The following DPP10 variants were observed in gnomAD, a reference collection of about 807,000 sequenced individuals.
The protein encoded by DPP10 is inactive dipeptidyl peptidase 10.
DPP10 carries 33 observed loss-of-function variants against 120.9 expected under a neutral mutation model. The observed-to-expected ratio is 0.27, with a 90% CI of 0.21 to 0.37. The LOEUF (loss-of-function observed/expected upper bound fraction) is 0.37. DPP10 is among the 10% of genes least tolerant of loss of function. DPP10 has a pLI of 1.00. For missense variants in DPP10, 816 were observed against 942.8 expected (o/e 0.87, Z 1.76); for synonymous variants, 337 against 326.1 (o/e 1.03, Z -0.36).
chr2:115,568,114 G>A (rs922920111), intron 5 of DPP10, among the ~76,000 whole-genome samples: 1 of 151,268 alleles, frequency 6.6e-6, no homozygotes, highest in African/African-American at 2.4e-5. Context: ...GGAGGCAGAG[G>A]TTGCAGTGAG....
At chr2:114,624,862 C>G (rs973321194) in intron 1 of DPP10, among the ~76,000 whole-genome samples, 14 of 152,016 alleles carry the variant, frequency 9.2e-5, no homozygotes, top group Non-Finnish European at 1.5e-4. Context: ...GCCATCAACT[C>G]ACACCAACCT....
intron 3 of DPP10, among the ~76,000 whole-genome samples, chr2:115,425,272 G>GT (rs1174026429): frequency 1.3e-5 from 2 of 152,170 alleles, no homozygotes; most frequent in African/African-American, 4.8e-5. Flanking sequence ...TTCTAGAAAC[G>GT]TATCTAGGCA....
At chr2:115,608,853 A>C (rs905491400) in intron 5 of DPP10, among the ~76,000 whole-genome samples, 7 of 152,142 alleles carry the variant, frequency 4.6e-5, no homozygotes, top group Non-Finnish European at 7.3e-5. Flanking sequence ...GGAACATAGA[A>C]TCCATATAAA....
At chr2:114,963,371 A>T (rs918169216) in intron 1 of DPP10, among the ~76,000 whole-genome samples, 1 of 152,198 alleles carries the variant, frequency 6.6e-6, no homozygotes, top group African/African-American at 2.4e-5. Context: ...TAGCAGGGAA[A>T]GTCATATGTC....
chr2:114,944,103 T>G (rs1164788944), intron 1 of DPP10, among the ~76,000 whole-genome samples: 1 of 152,166 alleles, frequency 6.6e-6, no homozygotes, highest in Non-Finnish European at 1.5e-5. Context: ...GTAATAGTTT[T>G]TCAGGAGTAG....
intron 1 of DPP10, among the ~76,000 whole-genome samples, chr2:114,865,500 A>G (rs1186294965): frequency 6.6e-6 from 1 of 152,242 alleles, no homozygotes; most frequent in African/African-American, 2.4e-5. Context: ...GCAGCACTCC[A>G]TATGGGAAAG....
chr2:114,800,089 T>G (rs1684065770), intron 1 of DPP10, among the ~76,000 whole-genome samples: 1 of 152,168 alleles, frequency 6.6e-6, no homozygotes, highest in Non-Finnish European at 1.5e-5. Flanking sequence ...GTCAGCACAA[T>G]GCATAAATGA....
intron 1 of DPP10, among the ~76,000 whole-genome samples, chr2:114,964,387 G>T (rs761495980): frequency 6.6e-6 from 1 of 152,090 alleles, no homozygotes; most frequent in Non-Finnish European, 1.5e-5. Flanking sequence ...AAAACGAAAT[G>T]CTGCAGTAGA....
intron 1 of DPP10, among the ~76,000 whole-genome samples, chr2:115,013,931 T>C (rs1312075289): frequency 2.0e-5 from 3 of 152,038 alleles, no homozygotes; most frequent in African/African-American, 7.2e-5. Context: ...TTTAGACAGA[T>C]CAATGAGACA....
chr2:115,768,871 A>T (rs533077528), intron 13 of DPP10, among the ~76,000 whole-genome samples: 1 of 152,154 alleles, frequency 6.6e-6, no homozygotes, highest in South Asian at 2.1e-4. Flanking sequence ...TACAGTGCAG[A>T]TTTTTAAAAA....
chr2:114,905,501 C>T (rs967752457), intron 1 of DPP10, among the ~76,000 whole-genome samples: 7 of 151,932 alleles, frequency 4.6e-5, no homozygotes, highest in Admixed American at 2.6e-4. Context: ...ATTTTAAATT[C>T]GGATTACAGA....
At chr2:115,475,602 C>T (rs1159978786) in intron 3 of DPP10, among the ~76,000 whole-genome samples, 1 of 152,144 alleles carries the variant, frequency 6.6e-6, no homozygotes, top group African/African-American at 2.4e-5. Flanking sequence ...ATCCTTTAAA[C>T]CCCAGAATGG....
chr2:115,780,828 C>T (rs1433492576), intron 15 of DPP10, 46 bp from the exon 16 acceptor site: 3 of 1,569,156 alleles, frequency 1.9e-6, no homozygotes, highest in African/African-American at 1.4e-5. Context: ...ATTCAAGTGC[C>T]TAGAATAGTA....
chr2:115,535,079 G>C (rs2078727644), intron 5 of DPP10, among the ~76,000 whole-genome samples: 1 of 148,528 alleles, frequency 6.7e-6, no homozygotes, highest in South Asian at 2.1e-4. Context: ...TCACTCTGAT[G>C]GTAGTTTCTT....
intron 1 of DPP10, among the ~76,000 whole-genome samples, chr2:114,497,483 C>G (rs1039996956): frequency 1.4e-5 from 2 of 141,656 alleles, no homozygotes; most frequent in Non-Finnish European, 3.0e-5. Flanking sequence ...AGAATAGGGT[C>G]AGTGGTGAAC....
rs371525003 is a variant in DPP10, at chr2:115,746,105, C to T, written c.872C>T (p.Thr291Ile). Residue 291 changes from threonine to isoleucine, a missense_variant, in exon 10 of 26, where the codon ACA becomes ATA. Thr to Ile is a moderately conservative substitution (Grantham distance 89). This residue lies in a region of DPP10 where 592 missense variants were observed against 649.0 expected (regional missense o/e 0.91). Coordinates refer to ENST00000410059, the MANE Select transcript of DPP10 (RefSeq NM_020868.6). ...TCAAAGGCAGGTCAAGTGAACCCAA[C>T]AATAAAATTATATGTTGTAAACCTG... ...PYPKAGQVNP[T>I]IKLYVVNLYG... 6.2e-7 allele frequency: 1 copy of T among 1,608,456 alleles called. No homozygotes were observed. The highest frequency in any genetic ancestry group is 2.2e-5 in the East Asian group (1 of 44,522).
At chr2:115,725,612 G>A (rs1256536905) in intron 7 of DPP10, among the ~76,000 whole-genome samples, 1 of 152,118 alleles carries the variant, frequency 6.6e-6, no homozygotes, top group East Asian at 1.9e-4. Flanking sequence ...AAGTTGTGGA[G>A]GTTTTATTAA....
intron 1 of DPP10, among the ~76,000 whole-genome samples, chr2:115,245,389 C>G (rs1456993686): frequency 6.6e-6 from 1 of 151,958 alleles, no homozygotes; most frequent in Admixed American, 6.6e-5. Context: ...TGCTCAACAT[C>G]ACTAATTATC....
chr2:115,388,230 C>T (rs1015578708), intron 3 of DPP10, among the ~76,000 whole-genome samples: 1 of 152,098 alleles, frequency 6.6e-6, no homozygotes, highest in Non-Finnish European at 1.5e-5. Flanking sequence ...CTTGAGTAAA[C>T]TAGAAGGGTA....
Sources: gnomAD v4.1 joint callset for allele counts (sites outside exome capture counted in the v4.1 genomes callset) on GRCh38, gnomAD v4.1.1 for gene constraint, gnomAD v4.1.1 regional missense constraint, MANE v1.5 for transcripts, NCBI Gene and HGNC (gene_info 2026-07-23, HGNC 2026-07-21) for gene names.